RBBP8: variants seen among roughly 807,000 people sequenced by gnomAD.
RBBP8 encodes the protein DNA endonuclease RBBP8.
RBBP8 carries 88 observed loss-of-function variants against 108.3 expected under a neutral mutation model. The observed-to-expected ratio is 0.81, with a 90% CI of 0.68 to 0.97. RBBP8 has a LOEUF of 0.97. Among genes scored for constraint, RBBP8 ranks in the 50% least tolerant of loss-of-function variants. The pLI is 0.00. For synonymous variants in RBBP8, 332 were observed against 348.2 expected (o/e 0.95, Z 0.52); for missense variants, 1,023 against 1,049.0 (o/e 0.98, Z 0.34).
At chr18:22,922,621 C>T (rs980362581) in intron 3 of RBBP8, among the ~76,000 whole-genome samples, 2 of 152,026 alleles carry the variant, frequency 1.3e-5, no homozygotes, top group Admixed American at 6.6e-5. Flanking sequence ...CATAACCATG[C>T]CCAGCTAATT....
chr18:22,921,153 G>A (rs905032467), intron 3 of RBBP8, among the ~76,000 whole-genome samples: 2 of 152,114 alleles, frequency 1.3e-5, no homozygotes, highest in Non-Finnish European at 2.9e-5. Flanking sequence ...GCTTATGTGC[G>A]AGTTCTTTAT....
rs78494130 is a variant in RBBP8 at position 22,922,996 on chromosome 18, A to C, written c.-154+5970A>C. On this transcript the variant is annotated intron_variant, in intron 3 of 4. Coordinates refer to the RBBP8 transcript ENST00000577588. ...ATATAGTGTAATTCTTTCTATAATT[A>C]TAAATCTTTCACAATTTGCCTAGCA... Among the ~76,000 whole-genome samples the C allele has an allele frequency of 6.1e-3, 931 of 152,344 alleles. 10 individuals are homozygous for C. Among genetic ancestry groups the C allele is most frequent in the African/African-American group, 0.021 (892 of 41,582 alleles).
intron 2 of RBBP8, among the ~76,000 whole-genome samples, chr18:22,943,116 T>G (rs1332088890): frequency 6.6e-6 from 1 of 151,992 alleles, no homozygotes; most frequent in South Asian, 2.1e-4. Context: ...ATCTTAAGAC[T>G]GCACAAATTA....
intron 2 of RBBP8, among the ~76,000 whole-genome samples, chr18:22,943,584 G>A (rs1911285729): frequency 6.6e-6 from 1 of 152,076 alleles, no homozygotes; most frequent in South Asian, 2.1e-4. Context: ...CACAGCTTAA[G>A]TATGGCTTTG....
chr18:22,934,330 T>G (rs1248195930), intron 1 of RBBP8: 2 of 152,150 alleles, frequency 1.3e-5, no homozygotes. Flanking sequence ...TGTTTTGTTT[T>G]TAAGGCACTG....
At chr18:22,980,389 A>C (rs1372504609) in intron 6 of RBBP8, among the ~76,000 whole-genome samples, 3 of 152,220 alleles carry the variant, frequency 2.0e-5, no homozygotes, top group Non-Finnish European at 4.4e-5. Context: ...TTTAAACGGT[A>C]AAATTCCAGC....
chr18:22,937,659 G>C (rs1015684085), intron 2 of RBBP8, among the ~76,000 whole-genome samples: 6 of 151,234 alleles, frequency 4.0e-5, no homozygotes, highest in Non-Finnish European at 8.8e-5. Flanking sequence ...TTTATTTTTT[G>C]TAGAGTCAGG....
At chr18:23,002,984 G>A (rs2045973037) in intron 15 of RBBP8, among the ~76,000 whole-genome samples, 1 of 152,306 alleles carries the variant, frequency 6.6e-6, no homozygotes, top group East Asian at 1.9e-4. Context: ...TCGCAAAGGT[G>A]TACTTATTCT....
chr18:22,933,282 C>T (rs1178538598), upstream of RBBP8: 2 of 152,200 alleles, frequency 1.3e-5, no homozygotes, highest in South Asian at 4.1e-4. Context: ...AGTGCGCCGC[C>T]GCGATGGGCA....
intron 4 of RBBP8, among the ~76,000 whole-genome samples, chr18:22,966,815 C>T (rs1001843682): frequency 1.0e-4 from 15 of 150,630 alleles, no homozygotes; most frequent in African/African-American, 3.7e-4. Context: ...TAATCCCTGC[C>T]TCCTGGGTTC....
chr18:22,955,802 G>A (rs960136099), intron 4 of RBBP8, among the ~76,000 whole-genome samples: 3 of 151,938 alleles, frequency 2.0e-5, no homozygotes, highest in Non-Finnish European at 2.9e-5. Flanking sequence ...GGATGGCCTC[G>A]ATCTCCTGAC....
intron 18 of RBBP8, among the ~76,000 whole-genome samples, chr18:23,022,668 T>TAAATAAAATAA (rs1175474463): frequency 2.2e-5 from 3 of 136,076 alleles, no homozygotes; most frequent in Admixed American, 7.2e-5. Context: ...TAAAATAAAA[T>TAAATAAAATAA]AAATAACTGT....
upstream of RBBP8, among the ~76,000 whole-genome samples, chr18:22,931,054 G>A (rs967319682): frequency 7.2e-5 from 11 of 152,170 alleles, no homozygotes; most frequent in African/African-American, 1.4e-4. Flanking sequence ...GGCCCAAGAC[G>A]TGGTTTTTTA....
chr18:23,022,833 ATGTGAT>A lies in RBBP8; in HGVS notation c.2596+568_2596+573del, dbSNP rs943588813. 1.0e-3 allele frequency among the ~76,000 whole-genome samples: 154 copies of A among 151,764 alleles called. 1 individual carries two copies. The Middle Eastern group carries it at 0.041, about 40-fold the overall frequency. ...ATTAGAGATTGGTAATATCACTTTA[ATGTGAT>A]TGTGCTTATATTATTCTGGTTTACC... On this transcript the variant is annotated intron_variant, in intron 18 of 18. Transcript: ENST00000327155.
At chr18:22,996,137 G>A (rs1348255135) in intron 12 of RBBP8, among the ~76,000 whole-genome samples, 1 of 151,992 alleles carries the variant, frequency 6.6e-6, no homozygotes, top group Non-Finnish European at 1.5e-5. Context: ...ATGTTTATTG[G>A]CAATTTGTAT....
chr18:23,017,332 G>A (rs1344181260), intron 17 of RBBP8, among the ~76,000 whole-genome samples: 3 of 147,258 alleles, frequency 2.0e-5, no homozygotes, highest in African/African-American at 7.6e-5. Context: ...TCCAGCCTGG[G>A]CAACAAGAGT....
At chr18:23,009,256 A>G (rs2046113770) in intron 16 of RBBP8, among the ~76,000 whole-genome samples, 1 of 152,064 alleles carries the variant, frequency 6.6e-6, no homozygotes, top group Non-Finnish European at 1.5e-5. Flanking sequence ...TCCACAATAC[A>G]CATAAAGCAG....
chr18:22,971,057 G>T (rs948462441), intron 5 of RBBP8, among the ~76,000 whole-genome samples: 1 of 151,952 alleles, frequency 6.6e-6, no homozygotes, highest in Non-Finnish European at 1.5e-5. Context: ...GTCAAAAGAT[G>T]GCAGGTACTT....
intron 4 of RBBP8, among the ~76,000 whole-genome samples, chr18:22,951,639 G>A (rs557938804): frequency 6.6e-6 from 1 of 152,288 alleles, no homozygotes; most frequent in African/African-American, 2.4e-5. Context: ...GGTCCCACAG[G>A]TTGAGGGCTT....
Sources: allele counts gnomAD v4.1 joint callset (sites outside exome capture counted in the v4.1 genomes callset), GRCh38; gene constraint gnomAD v4.1.1; transcripts MANE v1.5; gene names NCBI Gene and HGNC (gene_info 2026-07-23, HGNC 2026-07-21).